The following HP1BP3 variants were observed in gnomAD, a reference collection of about 807,000 sequenced individuals.
The protein encoded by HP1BP3 is heterochromatin protein 1 binding protein 3.
In HP1BP3, 12 loss-of-function variants were observed where a neutral mutation model predicts 62.5. The ratio of observed to expected loss-of-function variants is 0.19; its 90% CI spans 0.12 to 0.31. The LOEUF (loss-of-function observed/expected upper bound fraction) is 0.31. Ranked by LOEUF, HP1BP3 falls within the 10% of genes least tolerant of loss-of-function variation. The pLI is 1.00. For synonymous variants in HP1BP3, 260 were observed against 237.8 expected (o/e 1.09, Z -0.86); for missense variants, 502 against 651.8 (o/e 0.77, Z 2.50).
At chr1:20,781,225 T>C (rs931132342) in intron 1 of HP1BP3, among the ~76,000 whole-genome samples, 11 of 151,876 alleles carry the variant, frequency 7.2e-5, no homozygotes, top group African/African-American at 2.7e-4. Flanking sequence ...TCCCCAAAAA[T>C]CTCATCTGAG....
intron 6 of HP1BP3, among the ~76,000 whole-genome samples, 154 bp downstream of exon 6, chr1:20,770,776 G>C (rs548418782): frequency 7.2e-5 from 11 of 152,210 alleles, no homozygotes; most frequent in African/African-American, 2.6e-4. Flanking sequence ...TCGAAACCTA[G>C]CCTCAGATAA....
chr1:20,775,942 T>C, intron 4 of HP1BP3: 1 of 1,504,922 alleles, frequency 6.6e-7, no homozygotes, highest in Non-Finnish European at 8.9e-7. Context: ...TGACTATAGT[T>C]AAAAGCAATT....
Position 20,779,873 on chromosome 1 carries a change from C to T in HP1BP3, c.135G>A (p.Val45=). The T allele has an allele frequency of 6.2e-7, 1 of 1,613,566 alleles. No homozygotes were observed. Among genetic ancestry groups the T allele is most frequent in the Non-Finnish European group, 8.5e-7 (1 of 1,179,830 alleles). The change falls in exon 3 of 13, where the codon GTG becomes GTA. Residue 45 remains valine, a synonymous_variant. Coordinates refer to ENST00000438032, the MANE Select transcript of HP1BP3 (RefSeq NM_001372052.1). ...TGGGAGGAGTTTCCCGGGTAGAATT[C>T]ACAGTTCGACGAATCGGCATGGTGC... ...EDSTMPIRRT[V]NSTRETPPKS... is the part of the protein sequence containing the mutation.
rs540090059 is a variant in HP1BP3, at chr1:20,748,759, G to A, written c.1141+964C>T. Among the ~76,000 whole-genome samples, 436 of 149,984 alleles carry A rather than the reference G, an allele frequency of 2.9e-3. 2 individuals are homozygous for A. The highest frequency in any genetic ancestry group is 4.9e-3 in the Non-Finnish European group (331 of 67,514). On this transcript the variant is annotated intron_variant, in intron 10 of 12. Coordinates refer to ENST00000438032, the MANE Select transcript of HP1BP3 (RefSeq NM_001372052.1). ...AGCCTGGGCAACACAGCGAGACTCC[G>A]TCTAAAAAAAAAAAAAGACTTCAAA...
Position 20,740,370 on chromosome 1 carries a change from G to T in HP1BP3, c.*4427C>A, listed in dbSNP as rs2055050098. ...GTAATTTTTGAGGAAAATCGCTTCA[G>T]CCTTTTGAGGCCTCCTTTGACATAC... is the stretch of plus-strand genomic sequence containing the variant. On this transcript the variant is annotated 3_prime_UTR_variant, in exon 13 of 13. Coordinates refer to ENST00000438032, the MANE Select transcript of HP1BP3 (RefSeq NM_001372052.1). 6.6e-6 allele frequency among the ~76,000 whole-genome samples: 1 copy of T among 152,150 alleles called. No homozygotes were observed.
chr1:20,749,927 C>T, intron 9 of HP1BP3, 45 bp from the exon 10 acceptor site: 2 of 1,588,912 alleles, frequency 1.3e-6, no homozygotes, highest in Admixed American at 1.7e-5. Flanking sequence ...CAACACTCTC[C>T]CAAAGCAGGT....
chr1:20,769,585 T>C (rs966697056), intron 6 of HP1BP3, among the ~76,000 whole-genome samples: 4 of 151,856 alleles, frequency 2.6e-5, no homozygotes, highest in African/African-American at 9.7e-5. Context: ...AATAAAGAAA[T>C]AATTTTTTTG....
At chr1:20,775,825 G>C (rs2057279015) in intron 4 of HP1BP3, 1 of 778,588 alleles carries the variant, frequency 1.3e-6, no homozygotes, top group Non-Finnish European at 2.0e-6. Context: ...GTATGTAGTA[G>C]GCTGTACCAC....
rs926623706 is a variant in HP1BP3 at position 20,742,990 on chromosome 1, C to A, written c.*1807G>T. On this transcript the variant is annotated 3_prime_UTR_variant, in exon 13 of 13. Coordinates refer to ENST00000438032, the MANE Select transcript of HP1BP3 (RefSeq NM_001372052.1). ...TTTAAGACAATTAAAATGTCAAGTG[C>A]CACAGGGAAGAGAAATGATAACCAG... The A allele has an allele frequency of 6.6e-6, 1 of 152,564 alleles. No individual in the cohort carries two copies. Among genetic ancestry groups the A allele is most frequent in the African/African-American group, 2.4e-5 (1 of 41,452 alleles). The allele number at this position is 152,564 out of a possible 1,614,324, so 9.5% of individuals were successfully genotyped here.
At chr1:20,758,757 C>T (rs1427632899) in intron 8 of HP1BP3, among the ~76,000 whole-genome samples, 2 of 151,740 alleles carry the variant, frequency 1.3e-5, no homozygotes, top group African/African-American at 4.8e-5. Flanking sequence ...GCAACCCTTC[C>T]GCTGCTTCAG....
At chr1:20,771,635 T>C (rs2057064793) in intron 5 of HP1BP3, among the ~76,000 whole-genome samples, 1 of 152,230 alleles carries the variant, frequency 6.6e-6, no homozygotes, top group South Asian at 2.1e-4. Context: ...CCCTCTTCCA[T>C]TTCCATCCTA....
intron 9 of HP1BP3, chr1:20,755,310 G>A (rs1035243372): frequency 2.2e-6 from 1 of 445,148 alleles, no homozygotes; most frequent in Admixed American, 2.4e-5. Flanking sequence ...GATCACACCT[G>A]TAATTCCAAC....
intron 9 of HP1BP3, among the ~76,000 whole-genome samples, chr1:20,753,570 T>C (rs1456554620): frequency 6.6e-6 from 1 of 152,210 alleles, no homozygotes; most frequent in African/African-American, 2.4e-5. Context: ...TGTGCCACTA[T>C]TTTTCAAATG....
chr1:20,762,919 T>TA (rs1166703857), intron 8 of HP1BP3, among the ~76,000 whole-genome samples: 6 of 152,070 alleles, frequency 3.9e-5, no homozygotes, highest in African/African-American at 1.4e-4. Context: ...ACAAAGGAGA[T>TA]AAAAGTGAAA....
chr1:20,782,932 GAAAA>G (rs2057639256), intron 1 of HP1BP3, among the ~76,000 whole-genome samples: 2 of 138,622 alleles, frequency 1.4e-5, no homozygotes, highest in Admixed American at 7.1e-5. Flanking sequence ...AAAAAAGAAA[GAAAA>G]AACCCACACA....
intron 5 of HP1BP3, among the ~76,000 whole-genome samples, chr1:20,772,638 TC>T (rs1445898791): frequency 2.0e-5 from 3 of 152,214 alleles, no homozygotes; most frequent in African/African-American, 7.2e-5. Context: ...TTCGTACACA[TC>T]CCCCCTTTTC....
rs2055158820 is a variant in HP1BP3 at position 20,743,841 on chromosome 1, G to A, written c.*956C>T. 1 of 152,114 alleles carries A rather than the reference G, an allele frequency of 6.6e-6. No homozygotes were observed. The highest frequency in any genetic ancestry group is 2.4e-5 in the African/African-American group (1 of 41,358). 9.4% of individuals were successfully genotyped at this position (152,114 alleles called of 1,614,324 possible). On this transcript the variant is annotated 3_prime_UTR_variant, in exon 13 of 13. Coordinates refer to ENST00000438032, the MANE Select transcript of HP1BP3 (RefSeq NM_001372052.1). The stretch of plus-strand genomic sequence containing the variant: ...CCAGCACTTTGGGAGGCCGAGGCAG[G>A]CGGATCACCTGAGGTCAGGAGTTCG...
intron 4 of HP1BP3, chr1:20,776,040 A>G (rs966555160): frequency 1.4e-6 from 2 of 1,477,672 alleles, no homozygotes; most frequent in Non-Finnish European, 1.8e-6. Flanking sequence ...TAAAAATTAA[A>G]AAGTAACTGC....
At chr1:20,780,001 G>A in intron 2 of HP1BP3, 90 bp from the exon 3 acceptor site, 1 of 960,106 alleles carries the variant, frequency 1.0e-6, no homozygotes, top group Non-Finnish European at 1.5e-6. Flanking sequence ...TCAGATGTAG[G>A]AGAATTCTTC....
Sources: gnomAD v4.1 joint callset for allele counts (sites outside exome capture counted in the v4.1 genomes callset) on GRCh38, gnomAD v4.1.1 for gene constraint, MANE v1.5 for transcripts, NCBI Gene and HGNC (gene_info 2026-07-23, HGNC 2026-07-21) for gene names.